NOD2: variants seen among roughly 807,000 people sequenced by gnomAD.
NOD2 encodes nucleotide-binding oligomerization domain-containing protein 2.
NOD2 carries 86 observed loss-of-function variants against 90.9 expected under a neutral mutation model. The observed-to-expected ratio is 0.95, with a 90% CI of 0.79 to 1.13. The LOEUF is 1.13. NOD2 is among the 50% of genes most tolerant of loss of function. The pLI, the probability that NOD2 is intolerant of heterozygous loss-of-function variation, is 0.00. For synonymous variants in NOD2, 581 were observed against 554.6 expected, an observed-to-expected ratio of 1.05 and a Z score of -0.67; for missense variants, 1,238 against 1,283.8, an observed-to-expected ratio of 0.96 and a Z score of 0.55.
chr16:50,700,060 G>C, intron 2 of NOD2, 106 bp downstream of exon 2: 2 of 1,021,534 alleles, frequency 2.0e-6, no homozygotes, highest in South Asian at 2.7e-5. Flanking sequence ...CTTGGTCCAT[G>C]GGATTTCCCC....
intron 6 of NOD2, among the ~76,000 whole-genome samples, chr16:50,718,351 G>A (rs1964891072): frequency 6.6e-6 from 1 of 152,224 alleles, no homozygotes; most frequent in Non-Finnish European, 1.5e-5. Flanking sequence ...TTACCAAATG[G>A]GAGCGTATAG....
At chr16:50,695,916 C>T (rs370645343) in intron 1 of NOD2, among the ~76,000 whole-genome samples, 56 of 152,150 alleles carry the variant, frequency 3.7e-4, no homozygotes, top group African/African-American at 1.3e-3. Context: ...GACAAGGGGG[C>T]CTGCTGTAAA....
intron 6 of NOD2, among the ~76,000 whole-genome samples, chr16:50,719,027 A>T (rs893982581): frequency 1.3e-5 from 2 of 152,148 alleles, no homozygotes; most frequent in African/African-American, 4.8e-5. Flanking sequence ...GTCCTAAGAC[A>T]TCTTGGCAAG....
chr16:50,705,840 A>T (rs551937360), intron 2 of NOD2, among the ~76,000 whole-genome samples: 1 of 152,328 alleles, frequency 6.6e-6, no homozygotes, highest in Admixed American at 6.5e-5. Context: ...ACATTCTTCT[A>T]GGTGTTAGGG....
chr16:50,725,078 C>G (rs1012014201), intron 9 of NOD2, among the ~76,000 whole-genome samples: 1 of 152,178 alleles, frequency 6.6e-6, no homozygotes, highest in African/African-American at 2.4e-5. Context: ...TCCTGGAAGC[C>G]CCACCTGTCG....
chr16:50,701,527 G>A (rs185966486), intron 2 of NOD2, among the ~76,000 whole-genome samples: 2 of 152,300 alleles, frequency 1.3e-5, no homozygotes, highest in African/African-American at 2.4e-5. Context: ...TTAGTTGCAC[G>A]TACAGAAGAC....
At chr16:50,707,503 C>G (rs1964251874) in intron 2 of NOD2, among the ~76,000 whole-genome samples, 1 of 152,206 alleles carries the variant, frequency 6.6e-6, no homozygotes, top group African/African-American at 2.4e-5. Context: ...AGATTGTATT[C>G]AAATATTCAA....
chr16:50,710,485 G>A (rs1001586331), intron 3 of NOD2, 73 bp from the exon 4 acceptor site: 40 of 1,602,542 alleles, frequency 2.5e-5, no homozygotes, highest in Middle Eastern at 1.7e-4. Flanking sequence ...GTCCCCCGCA[G>A]CAGCCCATTG....
At chr16:50,724,945 T>C (rs1230721691) in intron 9 of NOD2, among the ~76,000 whole-genome samples, 1 of 152,236 alleles carries the variant, frequency 6.6e-6, no homozygotes, top group Non-Finnish European at 1.5e-5. Flanking sequence ...TGTGACTTCA[T>C]TCACATGGTT....
At chr16:50,722,836 G>T (rs1353798408) in intron 8 of NOD2, 131 bp downstream of exon 8, 1 of 869,170 alleles carries the variant, frequency 1.2e-6, no homozygotes, top group Admixed American at 1.8e-5. Flanking sequence ...AAGGAAAAAA[G>T]ACCATTGGAT....
chr16:50,725,344 T>G, intron 9 of NOD2, 145 bp from the exon 10 acceptor site: 1 of 666,722 alleles, frequency 1.5e-6, no homozygotes, highest in Non-Finnish European at 2.7e-6. Context: ...GAATTGAGAA[T>G]CCCCACAACG....
At position 50,711,415 on chromosome 16, in the gene NOD2, C is replaced by T; in HGVS notation, c.1423C>T (p.Gln475Ter). 6.2e-7 allele frequency: 1 copy of T among 1,613,624 alleles called. No individual in the cohort carries two copies. Among genetic ancestry groups the T allele is most frequent in the Non-Finnish European group, 8.5e-7 (1 of 1,180,042 alleles). Residue 475 changes from glutamine (Q) to a stop codon, truncating the protein, a stop_gained, in exon 4 of 12, where the codon CAG (glutamine) becomes TAG (stop). Transcript: ENST00000647318. LOFTEE classifies it high-confidence loss of function. ...CAAATGCCACCAGGAACTGTTGCTG[C>T]AGGAGGGGGGGTCCCCAAAGACCAC... The part of the protein sequence containing the change: ...VSKCHQELLL[Q>*]EGGSPKTTTD...
chr16:50,718,198 C>A (rs112082457), intron 6 of NOD2, among the ~76,000 whole-genome samples: 2 of 152,130 alleles, frequency 1.3e-5, no homozygotes. Context: ...AGGTGGATGA[C>A]GCATGCAGCA....
chr16:50,706,703 T>C (rs1187493535), intron 2 of NOD2, among the ~76,000 whole-genome samples: 1 of 151,712 alleles, frequency 6.6e-6, no homozygotes, highest in Non-Finnish European at 1.5e-5. Flanking sequence ...TCTTTCTTTT[T>C]TTTTTTTTTT....
intron 11 of NOD2, 89 bp from the exon 12 acceptor site, chr16:50,731,658 G>T: frequency 1.1e-6 from 1 of 907,490 alleles, no homozygotes; most frequent in African/African-American, 1.6e-5. Context: ...CCCATCCCAG[G>T]CATGGGTTTA....
At chr16:50,697,072 G>T (rs1207904080) in intron 1 of NOD2, 6 of 670,902 alleles carry the variant, frequency 8.9e-6, no homozygotes, top group Non-Finnish European at 2.7e-6. Context: ...GCCTAGTTCT[G>T]GAAGGCTGGT....
intron 3 of NOD2, among the ~76,000 whole-genome samples, chr16:50,708,664 C>T (rs1281616199): frequency 6.6e-6 from 1 of 152,182 alleles, no homozygotes; most frequent in Non-Finnish European, 1.5e-5. Context: ...AGAGTGCAAG[C>T]CTGGCACTCT....
At chr16:50,694,824 T>C (rs1963569769) in intron 1 of NOD2, among the ~76,000 whole-genome samples, 1 of 151,958 alleles carries the variant, frequency 6.6e-6, no homozygotes, top group Non-Finnish European at 1.5e-5. Flanking sequence ...GAGTGCACAC[T>C]CTAGAAAGGA....
chr16:50,719,843 TG>T (rs772966284), intron 6 of NOD2, 81 bp from the exon 7 acceptor site: 1 of 1,277,464 alleles, frequency 7.8e-7, no homozygotes, highest in South Asian at 1.2e-5. Flanking sequence ...TTTCTTCCTG[TG>T]TTTCCCTGGC....
Sources: gnomAD v4.1 joint callset for allele counts (sites outside exome capture counted in the v4.1 genomes callset) on GRCh38, gnomAD v4.1.1 for gene constraint, MANE v1.5 for transcripts, NCBI Gene and HGNC (gene_info 2026-07-23, HGNC 2026-07-21) for gene names.